MGAT5: variants seen among roughly 807,000 people sequenced by gnomAD.
MGAT5 encodes the protein alpha-1,6-mannosylglycoprotein 6-beta-N-acetylglucosaminyltransferase A.
MGAT5 carries 30 observed loss-of-function variants against 94.3 expected under a neutral mutation model. The observed-to-expected ratio is 0.32, with a 90% CI of 0.24 to 0.43. The LOEUF (loss-of-function observed/expected upper bound fraction) is 0.43. Among genes scored for constraint, MGAT5 ranks in the 20% least tolerant of loss-of-function variants. MGAT5 has a pLI of 1.00. For missense variants in MGAT5, 691 were observed against 905.5 expected, an observed-to-expected ratio of 0.76 and a Z score of 3.04; for synonymous variants, 310 against 322.9, an observed-to-expected ratio of 0.96 and a Z score of 0.43.
chr2:134,395,101 A>G (rs943347887), intron 10 of MGAT5, among the ~76,000 whole-genome samples: 18 of 152,198 alleles, frequency 1.2e-4, no homozygotes, highest in African/African-American at 4.3e-4. Flanking sequence ...TCTGCATGGT[A>G]GTATAGCTGG....
At chr2:134,386,107 G>A (rs563661220) in intron 10 of MGAT5, among the ~76,000 whole-genome samples, 6 of 152,174 alleles carry the variant, frequency 3.9e-5, no homozygotes, top group Admixed American at 3.9e-4. Flanking sequence ...AAATTTTGAT[G>A]CAGAGTAAAA....
At chr2:134,135,875 C>T (rs1425844135) in intron 1 of MGAT5, among the ~76,000 whole-genome samples, 13 of 152,006 alleles carry the variant, frequency 8.6e-5, no homozygotes, top group Non-Finnish European at 1.8e-4. Context: ...CCATGGCTCC[C>T]GTGTAGGTCT....
At chr2:134,227,368 C>G (rs1165897644) in intron 1 of MGAT5, among the ~76,000 whole-genome samples, 1 of 152,176 alleles carries the variant, frequency 6.6e-6, no homozygotes, top group African/African-American at 2.4e-5. Context: ...TCTTACTACT[C>G]TGTTTTGGTT....
At chr2:134,218,391 T>A (rs1438598451) in intron 1 of MGAT5, among the ~76,000 whole-genome samples, 1 of 152,246 alleles carries the variant, frequency 6.6e-6, no homozygotes, top group Non-Finnish European at 1.5e-5. Context: ...ACAGTAAGCC[T>A]TCATTGGTGT....
intron 13 of MGAT5, among the ~76,000 whole-genome samples, chr2:134,427,341 A>G (rs751542450): frequency 6.6e-6 from 1 of 152,130 alleles, no homozygotes; most frequent in South Asian, 2.1e-4. Flanking sequence ...TCCATTTTAG[A>G]TTGGTAATAC....
intron 1 of MGAT5, among the ~76,000 whole-genome samples, chr2:134,230,763 A>G (rs1681316409): frequency 6.6e-6 from 1 of 152,104 alleles, no homozygotes; most frequent in South Asian, 2.1e-4. Flanking sequence ...CAAAATGTTA[A>G]ATACAGAGTT....
chr2:134,422,707 G>GATTATAACTC (rs1684367269), intron 12 of MGAT5, 96 bp from the exon 13 acceptor site: 7 of 860,308 alleles, frequency 8.1e-6, no homozygotes, highest in Non-Finnish European at 1.3e-5. Flanking sequence ...TTACCTACAC[G>GATTATAACTC]ATTATAACTC....
At chr2:134,170,026 A>G (rs1688131883) in intron 1 of MGAT5, among the ~76,000 whole-genome samples, 1 of 152,200 alleles carries the variant, frequency 6.6e-6, no homozygotes, top group African/African-American at 2.4e-5. Flanking sequence ...CATGGACAGT[A>G]CTCATAAGGA....
At chr2:134,282,757 G>A (rs373109637) in intron 2 of MGAT5, among the ~76,000 whole-genome samples, 1 of 152,178 alleles carries the variant, frequency 6.6e-6, no homozygotes, top group Non-Finnish European at 1.5e-5. Flanking sequence ...AGAAATTAGC[G>A]AAGGAAGTGG....
chr2:134,382,457 G>A (rs923610152), intron 10 of MGAT5, among the ~76,000 whole-genome samples: 2 of 152,058 alleles, frequency 1.3e-5, no homozygotes, highest in African/African-American at 2.4e-5. Flanking sequence ...CAAATATCGT[G>A]TGCCTGAAAA....
intron 11 of MGAT5, 152 bp from the exon 12 acceptor site, chr2:134,412,717 C>T: frequency 1.1e-6 from 1 of 918,134 alleles, no homozygotes; most frequent in Non-Finnish European, 1.7e-6. Context: ...TGAATTCTCT[C>T]TGCCCCACCC....
rs58508913 is a variant in MGAT5, at chr2:134,407,984, C to G, written c.1530+4847C>G. On this transcript the variant is annotated intron_variant, in intron 11 of 15. Transcript: ENST00000281923. ...AACAGTAACAGCCATTATCTCTCCC[C>G]TCTACCATGTACTAGGCCCTATGCT... 2.6e-5 allele frequency among the ~76,000 whole-genome samples: 4 copies of G among 152,370 alleles called. No individual in the cohort carries two copies. The East Asian group carries it at 7.7e-4, about 29-fold the overall frequency.
intron 2 of MGAT5, among the ~76,000 whole-genome samples, chr2:134,280,586 G>A (rs1323504446): frequency 6.6e-6 from 1 of 152,252 alleles, no homozygotes; most frequent in Non-Finnish European, 1.5e-5. Context: ...TTACCTTGGT[G>A]CAGCTAGAGA....
intron 10 of MGAT5, among the ~76,000 whole-genome samples, chr2:134,390,083 G>A (rs1252534915): frequency 1.3e-5 from 2 of 152,048 alleles, no homozygotes; most frequent in African/African-American, 2.4e-5. Context: ...CCATGTCAAT[G>A]AAAAAAGGCT....
chr2:134,206,010 G>C (rs1012129843), intron 1 of MGAT5, among the ~76,000 whole-genome samples: 3 of 152,162 alleles, frequency 2.0e-5, no homozygotes, highest in Admixed American at 1.3e-4. Context: ...ACCCAAAAAG[G>C]CTGTTCCTAA....
At chr2:134,376,204 T>C (rs1245587157) in intron 10 of MGAT5, among the ~76,000 whole-genome samples, 1 of 152,172 alleles carries the variant, frequency 6.6e-6, no homozygotes, top group African/African-American at 2.4e-5. Flanking sequence ...CTCTGGGAGA[T>C]GTGGAATTTT....
chr2:134,363,455 G>C (rs974637783), intron 10 of MGAT5, among the ~76,000 whole-genome samples: 7 of 152,340 alleles, frequency 4.6e-5, no homozygotes, highest in South Asian at 2.1e-4. Context: ...ACAACTCTTT[G>C]TCTTAAACAG....
chr2:134,327,470 C>T (rs1445794019), intron 4 of MGAT5, among the ~76,000 whole-genome samples: 1 of 152,014 alleles, frequency 6.6e-6, no homozygotes, highest in African/African-American at 2.4e-5. Context: ...GACAGTTGAT[C>T]TGGTAACATA....
intron 1 of MGAT5, among the ~76,000 whole-genome samples, chr2:134,180,730 G>A (rs1688694922): frequency 6.6e-6 from 1 of 152,150 alleles, no homozygotes. Context: ...AGCACATAAT[G>A]TTAGAACTGT....
Sources: gnomAD v4.1 joint callset for allele counts (sites outside exome capture counted in the v4.1 genomes callset) on GRCh38, gnomAD v4.1.1 for gene constraint, MANE v1.5 for transcripts, NCBI Gene and HGNC (gene_info 2026-07-23, HGNC 2026-07-21) for gene names.